EXOC2: variants seen among roughly 807,000 people sequenced by gnomAD.
The protein encoded by EXOC2 is exocyst complex component 2, also known as SEC5-like 1.
Under a neutral mutation model 131.8 loss-of-function variants are expected in EXOC2, and 70 were observed. That is an observed-to-expected ratio of 0.53 (90% CI 0.44 to 0.65). The LOEUF (loss-of-function observed/expected upper bound fraction) is 0.65, where lower values mean the gene tolerates loss of function less well. Among genes scored for constraint, EXOC2 ranks in the 30% least tolerant of loss-of-function variants. The pLI, the probability that EXOC2 is intolerant of heterozygous loss-of-function variation, is 0.00. For missense variants in EXOC2, 923 were observed against 1,108.6 expected, an observed-to-expected ratio of 0.83 and a Z score of 2.38; for synonymous variants, 411 against 398.4, an observed-to-expected ratio of 1.03 and a Z score of -0.38.
intron 1 of EXOC2, among the ~76,000 whole-genome samples, chr6:663,188 A>G (rs182341635): frequency 6.6e-6 from 1 of 152,344 alleles, no homozygotes; most frequent in East Asian, 1.9e-4. Flanking sequence ...ATAAATTAGA[A>G]ACCTAGAAGA....
intron 1 of EXOC2, among the ~76,000 whole-genome samples, chr6:679,851 C>A (rs1186401668): frequency 6.6e-6 from 1 of 152,070 alleles, no homozygotes; most frequent in Non-Finnish European, 1.5e-5. Context: ...TAGGTATGAA[C>A]AGACAGATGT....
intron 13 of EXOC2, among the ~76,000 whole-genome samples, chr6:568,378 C>T (rs1052118103): frequency 3.3e-5 from 5 of 152,294 alleles, no homozygotes; most frequent in South Asian, 4.1e-4. Flanking sequence ...ATAGTTGAAC[C>T]GAAACATGTG....
At chr6:493,718 T>C (rs1366879458) in intron 25 of EXOC2, among the ~76,000 whole-genome samples, 1 of 152,162 alleles carries the variant, frequency 6.6e-6, no homozygotes, top group Non-Finnish European at 1.5e-5. Context: ...AAGGAAGCTC[T>C]CAAAGTCATT....
At chr6:583,907 A>G (rs1017473964) in intron 11 of EXOC2, among the ~76,000 whole-genome samples, 1 of 152,164 alleles carries the variant, frequency 6.6e-6, no homozygotes. Context: ...CTAGCATCTC[A>G]TATCTGTGCT....
chr6:580,059 T>G (rs1315106596), intron 11 of EXOC2, among the ~76,000 whole-genome samples: 1 of 151,602 alleles, frequency 6.6e-6, no homozygotes, highest in Admixed American at 6.6e-5. Context: ...TTTTTTTTTT[T>G]GAGATGAAGT....
At chr6:658,670 T>TATATATATATATA (rs1332684843) in intron 1 of EXOC2, among the ~76,000 whole-genome samples, 2 of 137,124 alleles carry the variant, frequency 1.5e-5, no homozygotes, top group African/African-American at 2.8e-5. Context: ...TATATATTTT[T>TATATATATATATA]TTTTTTTTTA....
At chr6:626,384 G>C (rs1761568280) in intron 4 of EXOC2, among the ~76,000 whole-genome samples, 1 of 152,106 alleles carries the variant, frequency 6.6e-6, no homozygotes, top group Non-Finnish European at 1.5e-5. Context: ...ACCCCAAAGA[G>C]CCACAAGGCA....
Position 591,351 on chromosome 6 carries a change from G to C in EXOC2, c.1192+1118C>G, listed in dbSNP as rs538631952. On this transcript the variant is annotated intron_variant, in intron 11 of 27. Transcript: ENST00000230449. ...CCTGTCACAGCAGCCAAGAAAGTTC[G>C]TCTCTTCACTCCACCTCCACGATCT... 5.3e-5 allele frequency among the ~76,000 whole-genome samples: 8 copies of C among 152,206 alleles called. 1 individual carries two copies. Among genetic ancestry groups the C allele is most frequent in the African/African-American group, 1.9e-4 (8 of 41,524 alleles).
At chr6:600,887 G>C (rs975479098) in intron 7 of EXOC2, among the ~76,000 whole-genome samples, 3 of 152,054 alleles carry the variant, frequency 2.0e-5, no homozygotes, top group Admixed American at 1.3e-4. Flanking sequence ...TTTTAATTTA[G>C]AGATAACTTC....
intron 1 of EXOC2, chr6:656,495 C>G (rs746654044): frequency 1.9e-6 from 3 of 1,607,408 alleles, no homozygotes; most frequent in African/African-American, 1.3e-5. Context: ...CGGAGGCGCG[C>G]AGGCTGGGCG....
At chr6:557,894 A>T (rs2127577469) in intron 17 of EXOC2, among the ~76,000 whole-genome samples, 1 of 152,264 alleles carries the variant, frequency 6.6e-6, no homozygotes, top group Non-Finnish European at 1.5e-5. Flanking sequence ...AAACATGAGC[A>T]CAAGTCTTGA....
chr6:645,961 C>G (rs1762563093), intron 1 of EXOC2, among the ~76,000 whole-genome samples: 1 of 152,188 alleles, frequency 6.6e-6, no homozygotes, highest in African/African-American at 2.4e-5. Flanking sequence ...ACCAGACAAT[C>G]TGAGAACCAA....
intron 4 of EXOC2, among the ~76,000 whole-genome samples, chr6:628,551 G>A (rs1198138709): frequency 6.6e-6 from 1 of 152,296 alleles, no homozygotes; most frequent in Non-Finnish European, 1.5e-5. Context: ...GTAAACGTCT[G>A]AATGAACCCT....
At chr6:509,779 G>A (rs1764747146) in intron 23 of EXOC2, among the ~76,000 whole-genome samples, 1 of 152,114 alleles carries the variant, frequency 6.6e-6, no homozygotes, top group Non-Finnish European at 1.5e-5. Context: ...TTTAAACACA[G>A]GCGGATTTCA....
Position 676,980 on chromosome 6 carries a change from G to A in EXOC2, c.-44+16039C>T, listed in dbSNP as rs559230735. Reference sequence around the variant, plus strand: ...GGTTCCCCATACTCTTCAACATTACGGAAAGGACAGCTTTCTCTGGAGACT... The same window carrying A: ...GGTTCCCCATACTCTTCAACATTACAGAAAGGACAGCTTTCTCTGGAGACT... On this transcript the variant is annotated intron_variant, in intron 1 of 27. Coordinates refer to ENST00000230449, the MANE Select transcript of EXOC2 (RefSeq NM_018303.6). Among the ~76,000 whole-genome samples the A allele has an allele frequency of 8.8e-3, 554 of 63,180 alleles. 1 individual carries two copies. Among genetic ancestry groups the A allele is most frequent in the African/African-American group, 0.016 (328 of 20,926 alleles). The allele number at this position is 63,180 out of a possible 152,430, so 41.4% of individuals were successfully genotyped here. A position where few individuals can be genotyped will look rare whatever the true frequency, so the allele number is the denominator to read the frequency against.
At position 554,556 on chromosome 6, in the gene EXOC2, T is replaced by C. The variant is rs80297876; in HGVS notation, c.2055-636A>G. ...TATTGGGTCTCTAGGGAGGTGATAG[T>C]TTTATATACTGAAAAGCAAAAGCCA... On this transcript the variant is annotated intron_variant, in intron 20 of 27. Coordinates refer to ENST00000230449, the MANE Select transcript of EXOC2 (RefSeq NM_018303.6). Among the ~76,000 whole-genome samples the C allele has an allele frequency of 6.0e-3, 911 of 152,278 alleles. 8 individuals carry two copies. The highest frequency in any genetic ancestry group is 8.5e-3 in the Non-Finnish European group (575 of 68,020).
At chr6:491,052 A>G in intron 26 of EXOC2, 73 bp downstream of exon 26, 1 of 1,479,326 alleles carries the variant, frequency 6.8e-7, no homozygotes, top group Non-Finnish European at 9.5e-7. Context: ...TCATCTTTAC[A>G]GAGGACAGAA....
At chr6:552,211 C>A (rs1017303011) in intron 21 of EXOC2, among the ~76,000 whole-genome samples, 4 of 152,230 alleles carry the variant, frequency 2.6e-5, no homozygotes, top group African/African-American at 9.6e-5. Flanking sequence ...CCCATGAAGT[C>A]CACACCCAGG....
intron 27 of EXOC2, 34 bp downstream of exon 27, chr6:488,945 C>T: frequency 6.2e-7 from 1 of 1,601,318 alleles, no homozygotes; most frequent in Non-Finnish European, 8.5e-7. Flanking sequence ...TGAGCACATT[C>T]AACTGGCTCC....
Sources: gnomAD v4.1 joint callset for allele counts (sites outside exome capture counted in the v4.1 genomes callset) on GRCh38, gnomAD v4.1.1 for gene constraint, MANE v1.5 for transcripts, NCBI Gene and HGNC (gene_info 2026-07-23, HGNC 2026-07-21) for gene names.